TENM2: variants seen among roughly 807,000 people sequenced by gnomAD.
TENM2 encodes teneurin transmembrane protein 2.
A neutral mutation model predicts 245.2 loss-of-function variants in TENM2; 52 were observed. The observed-to-expected ratio is 0.21, with a 90% CI of 0.17 to 0.27. TENM2 has a LOEUF of 0.27. Among genes scored for constraint, TENM2 ranks in the 10% least tolerant of loss-of-function variants. The pLI, the probability that TENM2 is intolerant of heterozygous loss-of-function variation, is 1.00. For missense variants in TENM2, 3,046 were observed against 3,666.8 expected, an observed-to-expected ratio of 0.83 and a Z score of 4.37; for synonymous variants, 1,363 against 1,438.9, an observed-to-expected ratio of 0.95 and a Z score of 1.19.
rs113203246 is a variant in TENM2 at position 167,644,988 on chromosome 5, G to T, written c.503-230998G>T. Among the ~76,000 whole-genome samples the T allele has an allele frequency of 9.0e-3, 1,377 of 152,280 alleles. 15 individuals are homozygous for T. Among genetic ancestry groups the T allele is most frequent in the African/African-American group, 0.031 (1,274 of 41,572 alleles). On this transcript the variant is annotated intron_variant, in intron 2 of 28. Transcript: ENST00000518659. ...ATAGCCTAGGCTGCACACCTGTACAGCATGTTATTATGTTATTGTACTGAA... is the reference window on the plus strand; with the variant it reads ...ATAGCCTAGGCTGCACACCTGTACATCATGTTATTATGTTATTGTACTGAA...
At chr5:167,837,811 T>C (rs567340523) in intron 2 of TENM2, among the ~76,000 whole-genome samples, 3 of 152,222 alleles carry the variant, frequency 2.0e-5, no homozygotes, top group East Asian at 3.9e-4. Context: ...TTGGTTTTTT[T>C]TTTTTCTGCC....
intron 12 of TENM2, among the ~76,000 whole-genome samples, chr5:168,128,099 C>T (rs1318796475): frequency 3.9e-5 from 6 of 152,196 alleles, no homozygotes; most frequent in East Asian, 1.9e-4. Context: ...CGATTTCTTC[C>T]GGTTCCATCT....
At chr5:167,598,996 C>T (rs1259111364) in intron 2 of TENM2, among the ~76,000 whole-genome samples, 1 of 151,246 alleles carries the variant, frequency 6.6e-6, no homozygotes, top group African/African-American at 2.5e-5. Flanking sequence ...CTTGAGAAGA[C>T]AGTTGAAATT....
intron 25 of TENM2, among the ~76,000 whole-genome samples, chr5:168,228,734 A>G (rs1041043358): frequency 1.2e-5 from 1 of 86,562 alleles, no homozygotes; most frequent in Admixed American, 1.2e-4. Context: ...TTCAGGGAAG[A>G]TTTCCCAAGA....
At chr5:167,294,264 G>C (rs569696660) in intron 1 of TENM2, 1 of 152,244 alleles carries the variant, frequency 6.6e-6, no homozygotes, top group South Asian at 2.1e-4. Context: ...TTGAATTGGA[G>C]GTATCCTGTA....
chr5:167,077,378 A>G, the TENM2 span, among the ~76,000 whole-genome samples: 1 of 152,174 alleles, frequency 6.6e-6, no homozygotes, highest in Non-Finnish European at 1.5e-5. Context: ...CATCAAAAGT[A>G]AAGTCTTCTT....
At chr5:167,162,391 G>A in the TENM2 span, among the ~76,000 whole-genome samples, 3 of 152,022 alleles carry the variant, frequency 2.0e-5, no homozygotes, top group African/African-American at 7.2e-5. Flanking sequence ...ACCTTGGAAG[G>A]CCGAGGTGGG....
intron 2 of TENM2, among the ~76,000 whole-genome samples, chr5:167,545,331 A>G (rs143687822): frequency 6.6e-6 from 1 of 152,304 alleles, no homozygotes; most frequent in East Asian, 1.9e-4. Context: ...ATTTCATTCA[A>G]GCAATTTGGG....
chr5:167,433,233 G>T (rs915233298), intron 2 of TENM2, among the ~76,000 whole-genome samples: 2 of 151,834 alleles, frequency 1.3e-5, no homozygotes, highest in Non-Finnish European at 2.9e-5. Flanking sequence ...ATATCTGTTG[G>T]TGTCAAGTCC....
the TENM2 span, among the ~76,000 whole-genome samples, chr5:167,090,540 G>A: frequency 6.6e-6 from 1 of 152,108 alleles, no homozygotes; most frequent in Non-Finnish European, 1.5e-5. Context: ...CCATCGATGA[G>A]GTATTGTGTG....
intron 9 of TENM2, among the ~76,000 whole-genome samples, chr5:168,108,417 C>T (rs1201916082): frequency 1.3e-5 from 2 of 152,154 alleles, no homozygotes; most frequent in Admixed American, 6.5e-5. Context: ...TCGGTTTTCT[C>T]ATCTGTAAAA....
chr5:167,616,974 C>T (rs1777832373), intron 2 of TENM2, among the ~76,000 whole-genome samples: 1 of 152,118 alleles, frequency 6.6e-6, no homozygotes, highest in African/African-American at 2.4e-5. Context: ...ACCTCTCTCC[C>T]TTGTGCCTAT....
At chr5:168,151,223 A>AT (rs1756629704) in intron 12 of TENM2, among the ~76,000 whole-genome samples, 1 of 152,176 alleles carries the variant, frequency 6.6e-6, no homozygotes, top group African/African-American at 2.4e-5. Context: ...TGTCGCATGC[A>AT]TTATGTGCAG....
At chr5:167,045,239 A>T in the TENM2 span, among the ~76,000 whole-genome samples, 3 of 152,198 alleles carry the variant, frequency 2.0e-5, no homozygotes, top group Non-Finnish European at 2.9e-5. Flanking sequence ...TTAGCTATCT[A>T]TGTGTACTGG....
intron 5 of TENM2, among the ~76,000 whole-genome samples, chr5:168,019,839 G>A (rs992084305): frequency 4.6e-5 from 7 of 152,150 alleles, no homozygotes; most frequent in African/African-American, 1.4e-4. Context: ...GATGTTTTAA[G>A]GACAATAAGT....
At chr5:167,038,842 T>C in the TENM2 span, among the ~76,000 whole-genome samples, 1 of 152,210 alleles carries the variant, frequency 6.6e-6, no homozygotes, top group Non-Finnish European at 1.5e-5. Flanking sequence ...CTCGGTTTAC[T>C]CAGTTTTTAT....
At chr5:167,100,468 A>G in the TENM2 span, among the ~76,000 whole-genome samples, 2 of 152,054 alleles carry the variant, frequency 1.3e-5, no homozygotes, top group African/African-American at 4.8e-5. Flanking sequence ...CTCCCTCTCC[A>G]TTGTTATTGC....
At chr5:167,079,869 C>T in the TENM2 span, among the ~76,000 whole-genome samples, 47 of 152,254 alleles carry the variant, frequency 3.1e-4, no homozygotes, top group African/African-American at 1.1e-3. Flanking sequence ...AAATTTTTCA[C>T]CTGAGCCTTC....
the TENM2 span, among the ~76,000 whole-genome samples, chr5:167,102,143 G>A: frequency 6.6e-5 from 10 of 150,616 alleles, no homozygotes; most frequent in East Asian, 4.0e-4. Flanking sequence ...GGAGAATTGC[G>A]TGAATCCAGG....
Sources: gnomAD v4.1 joint callset for allele counts (sites outside exome capture counted in the v4.1 genomes callset) on GRCh38, gnomAD v4.1.1 for gene constraint, MANE v1.5 for transcripts, NCBI Gene and HGNC (gene_info 2026-07-23, HGNC 2026-07-21) for gene names.